WRN: variants seen among roughly 807,000 people sequenced by gnomAD.
WRN encodes bifunctional 3'-5' exonuclease/ATP-dependent helicase WRN.
WRN carries 149 observed loss-of-function variants against 180.7 expected under a neutral mutation model. That is an observed-to-expected ratio of 0.82 (90% CI 0.72 to 0.94). WRN has a LOEUF of 0.94. WRN is among the 40% of genes least tolerant of loss of function. WRN has a pLI of 0.00. For missense variants in WRN, 1,661 were observed against 1,700.1 expected, an observed-to-expected ratio of 0.98 and a Z score of 0.40; for synonymous variants, 548 against 568.9, an observed-to-expected ratio of 0.96 and a Z score of 0.52.
chr8:31,034,941 G>C (rs1811390393), intron 1 of WRN, among the ~76,000 whole-genome samples: 1 of 152,214 alleles, frequency 6.6e-6, no homozygotes, highest in Admixed American at 6.5e-5. Context: ...TGGGCTTTAA[G>C]AGATAATTAT....
intron 13 of WRN, among the ~76,000 whole-genome samples, chr8:31,089,957 A>G (rs1281692808): frequency 6.6e-6 from 1 of 151,978 alleles, no homozygotes; most frequent in African/African-American, 2.4e-5. Context: ...CATGTAAATT[A>G]TTAACGAGTT....
intron 23 of WRN, among the ~76,000 whole-genome samples, chr8:31,129,565 A>G (rs913815263): frequency 1.3e-5 from 2 of 152,220 alleles, no homozygotes; most frequent in African/African-American, 4.8e-5. Context: ...ATCCTCATGC[A>G]TTTGGAAATT....
chr8:31,147,975 C>G (rs1802934862), intron 30 of WRN, among the ~76,000 whole-genome samples: 1 of 149,180 alleles, frequency 6.7e-6, no homozygotes, highest in Non-Finnish European at 1.5e-5. Context: ...GCAGCCTTGA[C>G]CCCCTGGACT....
chr8:31,121,148 T>C (rs1801710559), intron 21 of WRN, among the ~76,000 whole-genome samples: 1 of 151,984 alleles, frequency 6.6e-6, no homozygotes, highest in Non-Finnish European at 1.5e-5. Context: ...CAATACTTTG[T>C]TCCTTCATCC....
At chr8:31,148,780 A>G (rs990709626) in intron 30 of WRN, among the ~76,000 whole-genome samples, 1 of 152,222 alleles carries the variant, frequency 6.6e-6, no homozygotes, top group Non-Finnish European at 1.5e-5. Flanking sequence ...ACACAATGCT[A>G]TATTTTATTT....
At chr8:31,106,990 C>T (rs1012117560) in intron 18 of WRN, among the ~76,000 whole-genome samples, 20 of 152,140 alleles carry the variant, frequency 1.3e-4, no homozygotes, top group Admixed American at 1.3e-3. Context: ...TAAATAGCTG[C>T]ACCATACAAC....
At chr8:31,052,179 T>C (rs1223794510) in intron 1 of WRN, among the ~76,000 whole-genome samples, 1 of 152,214 alleles carries the variant, frequency 6.6e-6, no homozygotes, top group African/African-American at 2.4e-5. Flanking sequence ...TGATTATTCA[T>C]TAAAAAATTA....
chr8:31,077,822 C>A (rs1813155167), intron 8 of WRN, among the ~76,000 whole-genome samples: 1 of 152,178 alleles, frequency 6.6e-6, no homozygotes. Context: ...GGCATATACA[C>A]AGACTGGGTG....
intron 1 of WRN, among the ~76,000 whole-genome samples, chr8:31,040,345 G>A (rs929828071): frequency 8.5e-5 from 13 of 152,292 alleles, no homozygotes; most frequent in Middle Eastern, 6.8e-3. Flanking sequence ...AGTCATTAGT[G>A]TATAACAGCT....
Position 31,174,342 on chromosome 8 carries a change from C to T in WRN, c.*1240C>T, listed in dbSNP as rs958563928. Among the ~76,000 whole-genome samples, 7 of 152,160 alleles carry T rather than the reference C, an allele frequency of 4.6e-5. No individual in the cohort carries two copies. Among genetic ancestry groups the T allele is most frequent in the Non-Finnish European group, 7.3e-5 (5 of 68,034 alleles). ...GACACGTCTGCTGCATGCCTAGGTA[C>T]GAGGCTGTCTCCAGGAGAAGCACTT... On this transcript the variant is annotated 3_prime_UTR_variant, in exon 35 of 35. Transcript: ENST00000298139.
intron 23 of WRN, among the ~76,000 whole-genome samples, chr8:31,125,537 G>GATAGATATATATATATATAT (rs1554529384): frequency 6.3e-5 from 4 of 63,766 alleles, no homozygotes; most frequent in Non-Finnish European, 9.1e-5. Flanking sequence ...ATATTATGGA[G>GATAGATATATATATATATAT]ATATATATAT....
At chr8:31,143,511 G>T in intron 27 of WRN, 39 bp from the exon 28 acceptor site, 2 of 1,430,548 alleles carry the variant, frequency 1.4e-6, no homozygotes, top group South Asian at 1.2e-5. Context: ...AAAGTTTTTT[G>T]AAACTTTTTT....
intron 33 of WRN, among the ~76,000 whole-genome samples, chr8:31,158,873 G>A (rs111400862): frequency 0.029 from 4,473 of 152,108 alleles, 104 homozygotes; most frequent in Non-Finnish European, 0.046. Flanking sequence ...CGGGGGAGTG[G>A]CCAGGGGACT....
At chr8:31,083,913 A>G in intron 10 of WRN, 134 bp downstream of exon 10, 3 of 968,184 alleles carry the variant, frequency 3.1e-6, no homozygotes, top group Non-Finnish European at 4.7e-6. Context: ...TAGATTTCAC[A>G]TTTTCCAATT....
chr8:31,096,910 T>C, intron 17 of WRN, 60 bp downstream of exon 17: 1 of 1,442,606 alleles, frequency 6.9e-7, no homozygotes, highest in South Asian at 1.1e-5. Context: ...AAGTTAAACC[T>C]ATGGATGGAC....
In WRN at chr8:31,174,362, G is replaced by A. The variant is rs879173462; in HGVS notation, c.*1260G>A. Among the ~76,000 whole-genome samples the A allele has an allele frequency of 3.9e-5, 6 of 152,186 alleles. No homozygotes were observed. The highest frequency in any genetic ancestry group is 6.5e-5 in the Admixed American group (1 of 15,280). ...AGGTACGAGGCTGTCTCCAGGAGAA[G>A]CACTTGTTTGATTATTTGAGTTGCC... is the stretch of plus-strand genomic sequence containing the variant. On this transcript the variant is annotated 3_prime_UTR_variant, in exon 35 of 35. Coordinates refer to ENST00000298139, the MANE Select transcript of WRN (RefSeq NM_000553.6).
intron 1 of WRN, among the ~76,000 whole-genome samples, chr8:31,036,068 A>G (rs1455945380): frequency 6.6e-6 from 1 of 152,126 alleles, no homozygotes; most frequent in Non-Finnish European, 1.5e-5. Context: ...TACTACCTCA[A>G]TGACATCAAA....
intron 18 of WRN, among the ~76,000 whole-genome samples, chr8:31,101,261 TAAAG>T (rs1814217749): frequency 6.6e-6 from 1 of 152,150 alleles, no homozygotes; most frequent in Non-Finnish European, 1.5e-5. Context: ...TTTAAAAATA[TAAAG>T]AGTTACATTT....
At chr8:31,150,526 C>G in intron 31 of WRN, 71 bp downstream of exon 31, 1 of 1,291,396 alleles carries the variant, frequency 7.7e-7, no homozygotes, top group Non-Finnish European at 1.1e-6. Context: ...AAGTACCCTC[C>G]AGAAGCAACA....
Sources: gnomAD v4.1 joint callset for allele counts (sites outside exome capture counted in the v4.1 genomes callset) on GRCh38, gnomAD v4.1.1 for gene constraint, MANE v1.5 for transcripts, NCBI Gene and HGNC (gene_info 2026-07-23, HGNC 2026-07-21) for gene names.